PALLD: variants seen among roughly 807,000 people sequenced by gnomAD.
PALLD encodes the protein palladin, cytoskeletal associated protein, also known as palladin.
A neutral mutation model predicts 123.5 loss-of-function variants in PALLD; 61 were observed. That is an observed-to-expected ratio of 0.49 (90% CI 0.40 to 0.61). The LOEUF is 0.61. Among genes scored for constraint, PALLD ranks in the 20% least tolerant of loss-of-function variants. The probability of loss-of-function intolerance (pLI) is 0.00; values close to 1 mark genes in which losing one functional copy is unlikely to be tolerated. For missense variants in PALLD, 1,273 were observed against 1,377.0 expected, an observed-to-expected ratio of 0.92 and a Z score of 1.20; for synonymous variants, 465 against 496.4, an observed-to-expected ratio of 0.94 and a Z score of 0.84.
chr4:168,637,522 C>T (rs1034599763), intron 2 of PALLD, among the ~76,000 whole-genome samples: 2 of 151,388 alleles, frequency 1.3e-5, no homozygotes, highest in African/African-American at 4.9e-5. Flanking sequence ...AAAGTAGTGA[C>T]TGAGATCAGA....
In PALLD at chr4:168,591,432, C is replaced by T. The variant is rs377637274; in HGVS notation, c.909-76758C>T. On this transcript the variant is annotated intron_variant, in intron 2 of 21. Transcript: ENST00000505667. ...TGTATTTCCTGTATTTCCCAGTTTACGAAGAGGAGATCATAATACATCCCT... is the reference window on the plus strand; with the variant it reads ...TGTATTTCCTGTATTTCCCAGTTTATGAAGAGGAGATCATAATACATCCCT... Among the ~76,000 whole-genome samples the T allele has an allele frequency of 1.4e-4, 22 of 152,214 alleles. No homozygotes were observed. The South Asian group carries it at 2.1e-3, about 14-fold the overall frequency.
At chr4:168,636,090 G>A (rs562220693) in intron 2 of PALLD, among the ~76,000 whole-genome samples, 7 of 152,244 alleles carry the variant, frequency 4.6e-5, no homozygotes, top group Middle Eastern at 3.4e-3. Flanking sequence ...GGCAGGTGGC[G>A]TTATTTCCAT....
intron 2 of PALLD, among the ~76,000 whole-genome samples, chr4:168,653,279 C>T (rs778872570): frequency 1.3e-5 from 2 of 152,112 alleles, no homozygotes; most frequent in African/African-American, 4.8e-5. Flanking sequence ...GGAAAAACAG[C>T]GGATCAGTGG....
chr4:168,653,137 G>A lies in PALLD; in HGVS notation c.909-15053G>A, dbSNP rs1778215305. On this transcript the variant is annotated intron_variant, in intron 2 of 21. Transcript: ENST00000505667. The stretch of plus-strand genomic sequence containing the variant: ...GACAGGGAACTCACTAAGCCATTTT[G>A]ATCTATTTCATCTTTGAACATATGG... 5.3e-5 allele frequency among the ~76,000 whole-genome samples: 8 copies of A among 152,188 alleles called. No homozygotes were observed. The South Asian group carries it at 1.7e-3, about 32-fold the overall frequency.
chr4:168,588,821 CG>C (rs1771112879), intron 2 of PALLD, among the ~76,000 whole-genome samples: 1 of 150,336 alleles, frequency 6.7e-6, no homozygotes, highest in Non-Finnish European at 1.5e-5. Context: ...AAAAAATAGC[CG>C]TGTTCAATCT....
At chr4:168,499,272 ATGGG>A (rs754632660) in intron 1 of PALLD, among the ~76,000 whole-genome samples, 5,537 of 48,682 alleles carry the variant, frequency 0.11, 530 homozygotes, top group African/African-American at 0.18. Context: ...GGGAGGGAGG[ATGGG>A]AGGGAGGATG....
chr4:168,726,450 C>A (rs1786592485), intron 10 of PALLD, among the ~76,000 whole-genome samples: 1 of 152,168 alleles, frequency 6.6e-6, no homozygotes, highest in African/African-American at 2.4e-5. Flanking sequence ...ATCATTCATG[C>A]TCTCTTCTTT....
intron 10 of PALLD, chr4:168,878,441 G>T (rs984305842): frequency 2.1e-6 from 3 of 1,396,730 alleles, no homozygotes; most frequent in East Asian, 2.8e-5. Flanking sequence ...TCCGCCTCGG[G>T]TCGCCCTGGG....
At chr4:168,890,076 A>C (rs1056453424) in intron 10 of PALLD, among the ~76,000 whole-genome samples, 1 of 152,040 alleles carries the variant, frequency 6.6e-6, no homozygotes, top group Non-Finnish European at 1.5e-5. Flanking sequence ...ATTTTTGTCC[A>C]CTGCCCTATG....
intron 2 of PALLD, among the ~76,000 whole-genome samples, chr4:168,543,138 TC>T (rs1322390108): frequency 2.0e-5 from 3 of 152,060 alleles, no homozygotes; most frequent in Admixed American, 6.6e-5. Context: ...TAGGACCACT[TC>T]CTAGCTCCAT....
At chr4:168,680,575 C>T (rs1781457459) in intron 3 of PALLD, among the ~76,000 whole-genome samples, 1 of 151,028 alleles carries the variant, frequency 6.6e-6, no homozygotes, top group Non-Finnish European at 1.5e-5. Flanking sequence ...TAGGAAGGTA[C>T]CCACTGATCT....
chr4:168,650,156 G>A (rs1315505505), intron 2 of PALLD, among the ~76,000 whole-genome samples: 8 of 152,012 alleles, frequency 5.3e-5, no homozygotes, highest in Admixed American at 4.6e-4. Context: ...CCTAGGCGAC[G>A]AGAGTGAGAC....
chr4:168,500,356 C>T (rs1761269935), intron 1 of PALLD, among the ~76,000 whole-genome samples: 1 of 148,936 alleles, frequency 6.7e-6, no homozygotes, highest in Admixed American at 6.8e-5. Flanking sequence ...GGGGGTGGTC[C>T]CATAAGTCTT....
rs138158936 is a variant in PALLD, at chr4:168,640,712, G to A, written c.909-27478G>A. 6.2e-3 allele frequency among the ~76,000 whole-genome samples: 947 copies of A among 152,292 alleles called. 10 individuals are homozygous for A. Among genetic ancestry groups the A allele is most frequent in the Non-Finnish European group, 8.9e-3 (606 of 68,040 alleles). ...TTATAAATCACTTATCTCCATTAGC[G>A]TAAGCTACACTTATAATGATATACA... is the stretch of plus-strand genomic sequence containing the variant. On this transcript the variant is annotated intron_variant, in intron 2 of 21. Transcript: ENST00000505667.
intron 2 of PALLD, among the ~76,000 whole-genome samples, chr4:168,664,769 G>GAAA (rs11301858): frequency 1.3e-4 from 14 of 110,646 alleles, no homozygotes; most frequent in Admixed American, 2.0e-4. Context: ...AGAGGAGGAG[G>GAAA]AAAAAAAAAA....
At chr4:168,830,553 G>C (rs947154349) in intron 10 of PALLD, among the ~76,000 whole-genome samples, 2 of 151,876 alleles carry the variant, frequency 1.3e-5, no homozygotes, top group Admixed American at 1.3e-4. Flanking sequence ...TTACAAAATT[G>C]TATGGAAACA....
intron 2 of PALLD, chr4:168,631,817 C>A: frequency 1.0e-6 from 1 of 985,466 alleles, no homozygotes. Context: ...CCAGAAGTTG[C>A]AAGCTGGGAA....
intron 2 of PALLD, among the ~76,000 whole-genome samples, chr4:168,591,543 T>C (rs1771432585): frequency 1.3e-5 from 2 of 152,212 alleles, no homozygotes; most frequent in Admixed American, 1.3e-4. Flanking sequence ...CTACCATAGA[T>C]GCTTTCTCAT....
chr4:168,869,293 A>G lies in PALLD; in HGVS notation c.1965-21629A>G, dbSNP rs1030316475. On this transcript the variant is annotated intron_variant, in intron 10 of 21. Transcript: ENST00000505667. The surrounding 1 kb of genome is among the most constrained non-coding windows in gnomAD (Gnocchi z 4.5). ...TGTAATAATCAAGAAGATAGAACAC[A>G]TCTGGCTCTGGGCGATCTGGGCTGG... is the stretch of plus-strand genomic sequence containing the variant. Among the ~76,000 whole-genome samples the G allele has an allele frequency of 1.3e-5, 2 of 152,168 alleles. No individual in the cohort carries two copies. The highest frequency in any genetic ancestry group is 2.4e-5 in the African/African-American group (1 of 41,436).
Sources: allele counts gnomAD v4.1 joint callset (sites outside exome capture counted in the v4.1 genomes callset), GRCh38; gene constraint gnomAD v4.1.1; non-coding constraint Gnocchi (gnomAD v3.1); transcripts MANE v1.5; gene names NCBI Gene and HGNC (gene_info 2026-07-23, HGNC 2026-07-21).